DHRS9: variants seen among roughly 807,000 people sequenced by gnomAD.
DHRS9 encodes the protein dehydrogenase/reductase 9.
DHRS9 carries 18 observed loss-of-function variants against 26.6 expected under a neutral mutation model. The observed-to-expected ratio is 0.68, with a 90% confidence interval of 0.47 to 1.00. DHRS9 has a LOEUF of 1.00. Among genes scored for constraint, DHRS9 ranks in the 50% least tolerant of loss-of-function variants. The probability of loss-of-function intolerance (pLI) is 0.00; values close to 1 mark genes in which losing one functional copy is unlikely to be tolerated. For synonymous variants in DHRS9, 134 were observed against 141.1 expected, an observed-to-expected ratio of 0.95 and a Z score of 0.36; for missense variants, 425 against 378.7, an observed-to-expected ratio of 1.12 and a Z score of -1.01.
In DHRS9 at chr2:169,095,769, T is replaced by A. The variant is rs911354069; in HGVS notation, c.*2T>A. The A allele has an allele frequency of 1.2e-6, 2 of 1,612,992 alleles. No individual in the cohort carries two copies. Among genetic ancestry groups the A allele is most frequent in the African/African-American group, 1.3e-5 (1 of 75,008 alleles). On this transcript the variant is annotated 3_prime_UTR_variant, in exon 5 of 5. Coordinates refer to ENST00000674881, the MANE Select transcript of DHRS9 (RefSeq NM_001376924.1). Reference sequence around the variant, plus strand: ...CTGGCTAATCCCAAGGCAGTGTGACTCAGCTAACCACAAATGTCTCCTCCA... The same window carrying A: ...CTGGCTAATCCCAAGGCAGTGTGACACAGCTAACCACAAATGTCTCCTCCA...
At position 169,081,910 on chromosome 2, in the gene DHRS9, G is replaced by A; in HGVS notation, c.313+16G>A. On this transcript the variant is annotated intron_variant, in intron 2 of 4. Transcript: ENST00000674881. ...GGGGAGAAAGGTGAGAGACATGGAAGTGGGTAGGATGGGACAGGGATAGGG... is the reference window on the plus strand; with the variant it reads ...GGGGAGAAAGGTGAGAGACATGGAAATGGGTAGGATGGGACAGGGATAGGG... The A allele has an allele frequency of 6.3e-7, 1 of 1,591,530 alleles. No individual in the cohort carries two copies. The highest frequency in any genetic ancestry group is 8.6e-7 in the Non-Finnish European group (1 of 1,167,766).
chr2:169,080,815 G>A (rs9287909), intron 1 of DHRS9, among the ~76,000 whole-genome samples: 4,325 of 152,216 alleles, frequency 0.028, 169 homozygotes, highest in African/African-American at 0.086. Context: ...GGATGTGGGA[G>A]TCTGGTTTGG....
chr2:169,087,891 C>A (rs181924826), intron 3 of DHRS9, among the ~76,000 whole-genome samples: 429 of 152,196 alleles, frequency 2.8e-3, no homozygotes, highest in Non-Finnish European at 4.7e-3. Context: ...TTTATTCTCC[C>A]CTTACCTCTC....
chr2:169,083,966 A>AC (rs1213763220), intron 3 of DHRS9, among the ~76,000 whole-genome samples: 1 of 151,038 alleles, frequency 6.6e-6, no homozygotes, highest in South Asian at 2.1e-4. Flanking sequence ...ATATTTCTGT[A>AC]CCCCCTAACC....
At chr2:169,095,393 A>G in intron 4 of DHRS9, 151 bp from the exon 5 acceptor site, 1 of 689,646 alleles carries the variant, frequency 1.5e-6, no homozygotes, top group Non-Finnish European at 2.6e-6. Flanking sequence ...TCATTTTCTG[A>G]GGAATAGATA....
upstream of DHRS9, chr2:169,067,278 T>C (rs1025788532): frequency 4.6e-6 from 7 of 1,535,034 alleles, no homozygotes; most frequent in African/African-American, 1.4e-5. Flanking sequence ...GTAAGTGCTT[T>C]CCTCCAGTTG....
chr2:169,072,523 A>G, intron 1 of DHRS9: 1 of 673,022 alleles, frequency 1.5e-6, no homozygotes, highest in Non-Finnish European at 1.8e-6. Flanking sequence ...AAACAGAGGA[A>G]GGTGAATAAG....
chr2:169,070,316 T>A (rs940398587), intron 1 of DHRS9: 70 of 985,304 alleles, frequency 7.1e-5, no homozygotes, highest in Non-Finnish European at 8.3e-5. Context: ...CTTTAGATAT[T>A]TACTCCCCAT....
chr2:169,071,802 G>A (rs1345209157), intron 1 of DHRS9, among the ~76,000 whole-genome samples: 6 of 152,162 alleles, frequency 3.9e-5, no homozygotes, highest in South Asian at 4.1e-4. Context: ...TGTTATTTCA[G>A]TCAGACTCTC....
At chr2:169,081,240 C>T (rs1384596881) in intron 1 of DHRS9, 8 of 912,768 alleles carry the variant, frequency 8.8e-6, no homozygotes, top group Non-Finnish European at 1.1e-5. Context: ...TCCAGCTGGC[C>T]GTGGCAACTC....
Position 169,081,686 on chromosome 2 carries a change from T to C in DHRS9, c.105T>C (p.Thr35=), listed in dbSNP as rs911769996. 6.8e-6 allele frequency: 11 copies of C among 1,614,222 alleles called. No homozygotes were observed. In the East Asian group the frequency reaches 2.5e-4, roughly 36 times the overall value. Residue 35 remains threonine, a synonymous_variant, in exon 2 of 5, where the codon ACT becomes ACC. Coordinates refer to ENST00000674881, the MANE Select transcript of DHRS9 (RefSeq NM_001376924.1). ...EDITDKYIFI[T]GCDSGFGNLA... ...TCACTGATAAGTACATTTTTATCAC[T>C]GGATGTGACTCGGGCTTTGGAAACT...
intron 3 of DHRS9, among the ~76,000 whole-genome samples, chr2:169,086,278 C>T (rs1002674552): frequency 1.3e-5 from 2 of 152,060 alleles, no homozygotes; most frequent in Non-Finnish European, 2.9e-5. Context: ...GAGACTGACT[C>T]ATTCTTTATT....
At chr2:169,073,925 G>C (rs1683886078) in intron 1 of DHRS9, among the ~76,000 whole-genome samples, 1 of 152,170 alleles carries the variant, frequency 6.6e-6, no homozygotes, top group Non-Finnish European at 1.5e-5. Flanking sequence ...TCCTCCAGGG[G>C]ACATTTGGCA....
chr2:169,088,787 T>A (rs1205817251), intron 3 of DHRS9, among the ~76,000 whole-genome samples: 1 of 152,216 alleles, frequency 6.6e-6, no homozygotes, highest in Non-Finnish European at 1.5e-5. Flanking sequence ...AACTGGTCAG[T>A]TTGTCAGATA....
At chr2:169,074,467 G>T in intron 1 of DHRS9, 1 of 985,248 alleles carries the variant, frequency 1.0e-6, no homozygotes, top group Non-Finnish European at 1.2e-6. Context: ...AAGCAACCAG[G>T]TCAGTTCCTG....
intron 1 of DHRS9, among the ~76,000 whole-genome samples, chr2:169,071,961 T>C (rs1042128238): frequency 6.6e-6 from 1 of 151,732 alleles, no homozygotes; most frequent in Non-Finnish European, 1.5e-5. Context: ...TAGGTTCCAG[T>C]GTTCATTTTT....
chr2:169,095,005 G>A lies in DHRS9; in HGVS notation c.737-539G>A, dbSNP rs1237675339. 3.3e-5 allele frequency among the ~76,000 whole-genome samples: 5 copies of A among 151,756 alleles called. No individual in the cohort carries two copies. The South Asian group carries it at 1.0e-3, about 32-fold the overall frequency. On this transcript the variant is annotated intron_variant, in intron 4 of 4. Transcript: ENST00000674881. ...TAGAAGCCTATACAAGTATACAAGT[G>A]CACAATTACATCCACACATGCATGC... is the stretch of plus-strand genomic sequence containing the variant.
upstream of DHRS9, chr2:169,067,245 C>T (rs1683670526): frequency 6.5e-7 from 1 of 1,535,518 alleles, no homozygotes; most frequent in Non-Finnish European, 8.7e-7. Context: ...AGAAGTTGGA[C>T]CCACCACAGC....
At chr2:169,094,351 AT>A in intron 4 of DHRS9, among the ~76,000 whole-genome samples, 1 of 151,910 alleles carries the variant, frequency 6.6e-6, no homozygotes, top group African/African-American at 2.4e-5. Context: ...GTTTGCAAAT[AT>A]TTTTTCCCAT....
Sources: gnomAD v4.1 joint callset for allele counts (sites outside exome capture counted in the v4.1 genomes callset) on GRCh38, gnomAD v4.1.1 for gene constraint, MANE v1.5 for transcripts, NCBI Gene and HGNC (gene_info 2026-07-23, HGNC 2026-07-21) for gene names.